IL1RAPL1: variants seen among roughly 807,000 people sequenced by gnomAD.
IL1RAPL1 encodes the protein interleukin 1 receptor accessory protein like 1.
Under a neutral mutation model 48.4 loss-of-function variants are expected in IL1RAPL1, and 3 were observed. The ratio of observed to expected loss-of-function variants is 0.06; its 90% CI spans 0.03 to 0.16. The LOEUF is 0.16. Among genes scored for constraint, IL1RAPL1 ranks in the 10% least tolerant of loss-of-function variants. IL1RAPL1 has a pLI of 1.00. For missense variants in IL1RAPL1, 349 were observed against 530.6 expected, an observed-to-expected ratio of 0.66 and a Z score of 3.36; for synonymous variants, 185 against 187.7, an observed-to-expected ratio of 0.99 and a Z score of 0.12.
At chrX:29,251,324 T>C (rs191292137) in intron 2 of IL1RAPL1, among the ~76,000 whole-genome samples, 14 of 110,710 alleles carry the variant, frequency 1.3e-4, no homozygotes, top group African/African-American at 4.6e-4. Flanking sequence ...GGACCACTAA[T>C]AGAGTAAAGC....
At chrX:28,660,498 G>T (rs1601850244) in intron 1 of IL1RAPL1, among the ~76,000 whole-genome samples, 2 of 111,498 alleles carry the variant, frequency 1.8e-5, no homozygotes, top group Admixed American at 9.6e-5. Flanking sequence ...TGAATTATTA[G>T]ATATAGGATA....
chrX:29,924,343 A>G (rs1932868890), intron 8 of IL1RAPL1, among the ~76,000 whole-genome samples: 1 of 112,088 alleles, frequency 8.9e-6, no homozygotes, highest in East Asian at 2.8e-4. Context: ...TGTTCTGTCA[A>G]TTCTGAATTT....
chrX:29,503,957 C>CTTT lies in IL1RAPL1; in HGVS notation c.703+104662_703+104664dup, dbSNP rs369285020. ...GGAGCCACCAAGCCCAGCCTGAATC[C>CTTT]TTTTTTTTTTTTTTTGGTATAGAGT... On this transcript the variant is annotated intron_variant, in intron 5 of 10. Transcript: ENST00000378993. 2.5e-3 allele frequency among the ~76,000 whole-genome samples: 238 copies of CTTT among 94,672 alleles called. 2 individuals are homozygous for CTTT. The highest frequency in any genetic ancestry group is 8.8e-3 in the African/African-American group (227 of 25,814). The allele number at this position is 94,672 out of a possible 115,157, so 82.2% of individuals were successfully genotyped here.
intron 1 of IL1RAPL1, among the ~76,000 whole-genome samples, chrX:28,750,160 C>T (rs1482310485): frequency 9.1e-6 from 1 of 110,276 alleles, no homozygotes; most frequent in Non-Finnish European, 1.9e-5. Flanking sequence ...ACTGTGTTGG[C>T]CAGGCTGGTC....
rs1397250412 is a variant in IL1RAPL1 at position 28,936,979 on chromosome X, G to A, written c.82+147554G>A. On this transcript the variant is annotated intron_variant, in intron 2 of 10. Transcript: ENST00000378993. ...TACATATTTTTTCCTTTTCCTGTTG[G>A]CCCTAACGCTGTCAATCTTAGCCTC... is the stretch of plus-strand genomic sequence containing the variant. Among the ~76,000 whole-genome samples the A allele has an allele frequency of 1.4e-4, 15 of 110,815 alleles. No homozygotes were observed. In the Admixed American group the frequency reaches 1.4e-3, roughly 11 times the overall value.
At chrX:29,344,702 A>G (rs2147648379) in intron 3 of IL1RAPL1, among the ~76,000 whole-genome samples, 1 of 111,683 alleles carries the variant, frequency 9.0e-6, no homozygotes, top group South Asian at 3.8e-4. Flanking sequence ...CAATGGTGCG[A>G]TCTTGGCTCA....
intron 2 of IL1RAPL1, among the ~76,000 whole-genome samples, chrX:28,998,242 T>C (rs199827993): frequency 9.0e-6 from 1 of 110,825 alleles, no homozygotes; most frequent in East Asian, 2.8e-4. Context: ...TGTCCAGTAT[T>C]AGAAATAACA....
intron 2 of IL1RAPL1, among the ~76,000 whole-genome samples, chrX:28,800,204 C>T (rs893506587): frequency 8.9e-6 from 1 of 111,795 alleles, no homozygotes; most frequent in African/African-American, 3.3e-5. Context: ...CTTTAATCTC[C>T]TTCTGCTTTT....
intron 5 of IL1RAPL1, among the ~76,000 whole-genome samples, chrX:29,479,826 A>G (rs1231360779): frequency 1.8e-5 from 2 of 110,950 alleles, no homozygotes; most frequent in Non-Finnish European, 3.8e-5. Context: ...GCTCCATCCA[A>G]GTTGCTGCAA....
At chrX:29,792,227 C>T (rs1477861982) in intron 6 of IL1RAPL1, among the ~76,000 whole-genome samples, 1 of 112,005 alleles carries the variant, frequency 8.9e-6, no homozygotes, top group East Asian at 2.8e-4. Flanking sequence ...CATGCTTGAA[C>T]TGCCTTGCAA....
chrX:29,500,437 C>A (rs1289093205), intron 5 of IL1RAPL1, among the ~76,000 whole-genome samples: 1 of 111,568 alleles, frequency 9.0e-6, no homozygotes. Flanking sequence ...TTCCCTTACC[C>A]CTCCTGGCCT....
intron 2 of IL1RAPL1, among the ~76,000 whole-genome samples, chrX:28,949,253 A>C (rs1469547933): frequency 1.8e-5 from 2 of 110,741 alleles, no homozygotes; most frequent in African/African-American, 6.5e-5. Flanking sequence ...GAAAAATGTT[A>C]AATTGAGAAA....
At chrX:28,800,847 TTTTATTTATTTATTTA>T (rs201705177) in intron 2 of IL1RAPL1, among the ~76,000 whole-genome samples, 55 of 93,711 alleles carry the variant, frequency 5.9e-4, no homozygotes, top group South Asian at 2.7e-3. Flanking sequence ...ATTAAAGGGA[TTTTATTTATTTATTTA>T]TTTATTTATT....
At chrX:29,287,373 A>G (rs1165361006) in intron 3 of IL1RAPL1, among the ~76,000 whole-genome samples, 2 of 112,280 alleles carry the variant, frequency 1.8e-5, no homozygotes, top group African/African-American at 6.5e-5. Context: ...GATATTAAAA[A>G]GGAAACTTCT....
At chrX:29,326,777 G>A (rs775182001) in intron 3 of IL1RAPL1, among the ~76,000 whole-genome samples, 7 of 111,656 alleles carry the variant, frequency 6.3e-5, no homozygotes, top group African/African-American at 9.8e-5. Context: ...TCCAGTTGAC[G>A]ATTCAAGGGT....
At chrX:29,792,431 G>A (rs1337803709) in intron 6 of IL1RAPL1, among the ~76,000 whole-genome samples, 2 of 111,375 alleles carry the variant, frequency 1.8e-5, no homozygotes, top group Non-Finnish European at 3.8e-5. Flanking sequence ...GTGTTGGCAG[G>A]GTTGGCTTCT....
At chrX:29,817,731 G>C (rs757417699) in intron 6 of IL1RAPL1, among the ~76,000 whole-genome samples, 1 of 111,628 alleles carries the variant, frequency 9.0e-6, no homozygotes, top group Non-Finnish European at 1.9e-5. Context: ...GGGATGAATG[G>C]TCTCACTTGA....
chrX:28,670,059 G>A (rs750713803), intron 1 of IL1RAPL1, among the ~76,000 whole-genome samples: 6 of 110,893 alleles, frequency 5.4e-5, no homozygotes, highest in African/African-American at 2.0e-4. Flanking sequence ...CATCCTGAAG[G>A]TAGGATGACC....
intron 2 of IL1RAPL1, among the ~76,000 whole-genome samples, chrX:28,892,480 T>A (rs1922797491): frequency 9.0e-6 from 1 of 111,444 alleles, no homozygotes; most frequent in South Asian, 3.8e-4. Flanking sequence ...AAATTTTACT[T>A]CTTTTGTGAT....
Sources: gnomAD v4.1 joint callset for allele counts (sites outside exome capture counted in the v4.1 genomes callset) on GRCh38, gnomAD v4.1.1 for gene constraint, MANE v1.5 for transcripts, NCBI Gene and HGNC (gene_info 2026-07-23, HGNC 2026-07-21) for gene names.